Variants in SLC22A24 observed in about 807,000 individuals in gnomAD.
The protein encoded by SLC22A24 is steroid transmembrane transporter SLC22A24.
A neutral mutation model predicts 49.8 loss-of-function variants in SLC22A24; 53 were observed. The ratio of observed to expected loss-of-function variants is 1.06; its 90% CI spans 0.85 to 1.34. The LOEUF is 1.34. Among genes scored for constraint, SLC22A24 ranks in the 40% most tolerant of loss-of-function variants. The pLI is 0.00. For missense variants in SLC22A24, 786 were observed against 675.9 expected, an observed-to-expected ratio of 1.16 and a Z score of -1.81; for synonymous variants, 302 against 256.4, an observed-to-expected ratio of 1.18 and a Z score of -1.70.
chr11:63,091,765 A>G (rs1191375843), intron 6 of SLC22A24, among the ~76,000 whole-genome samples: 2 of 152,216 alleles, frequency 1.3e-5, no homozygotes, highest in African/African-American at 2.4e-5. Flanking sequence ...TCTCAAAACA[A>G]TAAGAGCTAT....
chr11:63,116,164 C>A, intron 4 of SLC22A24: 1 of 413,576 alleles, frequency 2.4e-6, no homozygotes. Flanking sequence ...GCATTGTTGA[C>A]CTGCATCTTC....
chr11:63,118,539 A>G, intron 4 of SLC22A24: 1 of 429,146 alleles, frequency 2.3e-6, no homozygotes. Context: ...AGTTATGTAG[A>G]TAAATTTATT....
At chr11:63,131,220 A>C (rs2087332901) in intron 2 of SLC22A24, among the ~76,000 whole-genome samples, 1 of 150,802 alleles carries the variant, frequency 6.6e-6, no homozygotes, top group Admixed American at 6.6e-5. Flanking sequence ...AAGAGTCTTG[A>C]CTCTTTATCC....
intron 2 of SLC22A24, among the ~76,000 whole-genome samples, chr11:63,133,935 G>T (rs939117583): frequency 6.6e-6 from 1 of 152,110 alleles, no homozygotes; most frequent in African/African-American, 2.4e-5. Flanking sequence ...GTGAGCCACC[G>T]TGCCCACTCC....
At chr11:63,134,443 G>C (rs950509104) in intron 2 of SLC22A24, among the ~76,000 whole-genome samples, 1 of 152,002 alleles carries the variant, frequency 6.6e-6, no homozygotes, top group Non-Finnish European at 1.5e-5. Context: ...GTCTTTTTCT[G>C]TCCTCTTTTA....
intron 5 of SLC22A24, among the ~76,000 whole-genome samples, chr11:63,099,055 T>C (rs975411003): frequency 6.6e-5 from 10 of 152,116 alleles, no homozygotes; most frequent in African/African-American, 1.9e-4. Context: ...TTATCAAGAT[T>C]GAACCATGAA....
At chr11:63,101,334 G>C (rs2087089546) in intron 5 of SLC22A24, among the ~76,000 whole-genome samples, 1 of 151,752 alleles carries the variant, frequency 6.6e-6, no homozygotes, top group Non-Finnish European at 1.5e-5. Context: ...CACTAGGTAA[G>C]TGTTTATTAA....
At position 63,129,815 on chromosome 11, in the gene SLC22A24, C is replaced by T. The variant is rs546962415; in HGVS notation, c.506+4850G>A. Among the ~76,000 whole-genome samples, 18 of 152,144 alleles carry T rather than the reference C, an allele frequency of 1.2e-4. No individual in the cohort carries two copies. The South Asian group carries it at 3.5e-3, about 30-fold the overall frequency. On this transcript the variant is annotated intron_variant, in intron 2 of 9. Transcript: ENST00000612278. ...GTGTGTAGCAATGCTTGTGATTTTT[C>T]CACATTAATTTTTTATCCTGAGACT...
Position 63,140,088 on chromosome 11 carries a change from G to GTTT in SLC22A24, c.402+3287_402+3289dup, listed in dbSNP as rs71065339. The stretch of plus-strand genomic sequence containing the variant: ...TTTTGTTTTTTTGTTTTTTTTTTTT[G>GTTT]TTTTTTTTTTTTGAGACGGGGTCTT... On this transcript the variant is annotated intron_variant, in intron 1 of 9. Transcript: ENST00000612278. 9.3e-4 allele frequency among the ~76,000 whole-genome samples: 125 copies of GTTT among 134,934 alleles called. 5 individuals carry two copies. In the South Asian group the frequency reaches 9.3e-3, roughly 10 times the overall value. The allele number at this position is 134,934 out of a possible 152,430, so 88.5% of individuals were successfully genotyped here. A position where few individuals can be genotyped will look rare whatever the true frequency, so the allele number is the denominator to read the frequency against.
intron 5 of SLC22A24, among the ~76,000 whole-genome samples, chr11:63,101,728 T>C (rs1003634719): frequency 6.6e-6 from 1 of 152,072 alleles, no homozygotes; most frequent in Admixed American, 6.6e-5. Flanking sequence ...GAAAAGTTGA[T>C]ACGTATACAT....
intron 4 of SLC22A24, among the ~76,000 whole-genome samples, chr11:63,112,944 G>T (rs1431746411): frequency 6.9e-6 from 1 of 144,724 alleles, no homozygotes; most frequent in Non-Finnish European, 1.5e-5. Context: ...GAACCCGGGA[G>T]CCGGAGCTTG....
At position 63,143,995 on chromosome 11, in the gene SLC22A24, A is replaced by T. The variant is rs934378932; in HGVS notation, c.-216T>A. 1 of 379,020 alleles carries T rather than the reference A, an allele frequency of 2.6e-6. No homozygotes were observed. Among genetic ancestry groups the T allele is most frequent in the African/African-American group, 2.1e-5 (1 of 48,176 alleles). 23.5% of individuals were successfully genotyped at this position (379,020 alleles called of 1,614,324 possible). ...GTCCTTTAACTTTAGGCAGCCAAAT[A>T]GTTTCAGAAGTCACAGATATAATTA... On this transcript the variant is annotated 5_prime_UTR_variant, in exon 1 of 10. Coordinates refer to ENST00000612278, the MANE Select transcript of SLC22A24 (RefSeq NM_001136506.2).
chr11:63,113,882 A>G (rs1031038190), intron 4 of SLC22A24, among the ~76,000 whole-genome samples: 7 of 151,016 alleles, frequency 4.6e-5, no homozygotes, highest in African/African-American at 9.7e-5. Flanking sequence ...GGAATGTTGA[A>G]TATGGGCCCC....
At chr11:63,129,793 T>G (rs1211838953) in intron 2 of SLC22A24, among the ~76,000 whole-genome samples, 2 of 152,210 alleles carry the variant, frequency 1.3e-5, no homozygotes, top group African/African-American at 4.8e-5. Context: ...GTTATTGGTG[T>G]GTAGCAATGC....
At chr11:63,141,521 C>T (rs1159613803) in intron 1 of SLC22A24, among the ~76,000 whole-genome samples, 1 of 152,174 alleles carries the variant, frequency 6.6e-6, no homozygotes, top group Non-Finnish European at 1.5e-5. Context: ...CAATTAAAAC[C>T]CACTGGGGAA....
chr11:63,091,811 G>C (rs993270281), intron 6 of SLC22A24, among the ~76,000 whole-genome samples: 1 of 151,312 alleles, frequency 6.6e-6, no homozygotes, highest in East Asian at 1.9e-4. Flanking sequence ...ATTCTAAATG[G>C]CAAAAACTGG....
At chr11:63,091,230 C>T (rs575832062) in intron 6 of SLC22A24, among the ~76,000 whole-genome samples, 9 of 152,110 alleles carry the variant, frequency 5.9e-5, no homozygotes, top group Admixed American at 1.3e-4. Context: ...CTGAGTAGGA[C>T]GATAACATGT....
At chr11:63,117,051 A>G (rs1344636881) in intron 4 of SLC22A24, among the ~76,000 whole-genome samples, 1 of 152,100 alleles carries the variant, frequency 6.6e-6, no homozygotes, top group Admixed American at 6.6e-5. Context: ...TTCAAATCCT[A>G]TGTCTCATAA....
intron 2 of SLC22A24, among the ~76,000 whole-genome samples, chr11:63,124,895 T>C (rs141061451): frequency 0.015 from 2,316 of 151,436 alleles, 26 homozygotes; most frequent in Middle Eastern, 0.048. Flanking sequence ...TAGGTGGGAA[T>C]TGAACAATGA....
Sources: allele counts gnomAD v4.1 joint callset (sites outside exome capture counted in the v4.1 genomes callset), GRCh38; gene constraint gnomAD v4.1.1; transcripts MANE v1.5; gene names NCBI Gene and HGNC (gene_info 2026-07-23, HGNC 2026-07-21).